The following LRRTM4 variants were observed in gnomAD, a reference collection of about 807,000 sequenced individuals.
LRRTM4 encodes the protein leucine rich repeat transmembrane neuronal 4, also known as leucine-rich repeat transmembrane neuronal protein 4.
A neutral mutation model predicts 47.6 loss-of-function variants in LRRTM4; 25 were observed. The ratio of observed to expected loss-of-function variants is 0.53; its 90% CI spans 0.38 to 0.73. LRRTM4 has a LOEUF of 0.73. Ranked by LOEUF, LRRTM4 falls within the 30% of genes least tolerant of loss-of-function variation. LRRTM4 has a pLI of 0.00. For synonymous variants in LRRTM4, 311 were observed against 269.5 expected (o/e 1.15, Z -1.51); for missense variants, 638 against 713.4 (o/e 0.89, Z 1.20).
intron 3 of LRRTM4, among the ~76,000 whole-genome samples, chr2:76,770,307 C>G (rs1223409247): frequency 1.3e-5 from 2 of 152,154 alleles, no homozygotes; most frequent in Middle Eastern, 3.2e-3. Context: ...CTTCGGTAAA[C>G]TCATTTCTTA....
At chr2:77,298,268 G>A (rs1432567447) in intron 3 of LRRTM4, among the ~76,000 whole-genome samples, 1 of 152,086 alleles carries the variant, frequency 6.6e-6, no homozygotes, top group African/African-American at 2.4e-5. Context: ...ATGAAGTCTC[G>A]CTCTGTCGCC....
intron 3 of LRRTM4, among the ~76,000 whole-genome samples, chr2:77,107,384 T>G (rs1202973068): frequency 2.0e-5 from 3 of 152,230 alleles, no homozygotes; most frequent in African/African-American, 7.2e-5. Flanking sequence ...ATCTTTTATA[T>G]GGTAAAAGAA....
rs28434117 is a variant in LRRTM4 at position 76,917,816 on chromosome 2, G to A, written c.1552-168900C>T. Among the ~76,000 whole-genome samples, 648 of 152,258 alleles carry A rather than the reference G, an allele frequency of 4.3e-3. 1 individual carries two copies. The highest frequency in any genetic ancestry group is 0.015 in the African/African-American group (627 of 41,548). On this transcript the variant is annotated intron_variant, in intron 3 of 3. Transcript: ENST00000409884. ...CTTGTGTCCCTTGTGGGACAGGGTAGAAGTAAGTTATACCTCACTTCTAAT... is the reference window on the plus strand; with the variant it reads ...CTTGTGTCCCTTGTGGGACAGGGTAAAAGTAAGTTATACCTCACTTCTAAT...
chr2:77,115,567 G>T (rs543925653), intron 3 of LRRTM4, among the ~76,000 whole-genome samples: 1 of 151,666 alleles, frequency 6.6e-6, no homozygotes, highest in Admixed American at 6.6e-5. Flanking sequence ...GCCTCCAGCC[G>T]GTCCCTCCGT....
chr2:77,263,485 G>A (rs1170090093), intron 3 of LRRTM4, among the ~76,000 whole-genome samples: 1 of 152,002 alleles, frequency 6.6e-6, no homozygotes, highest in South Asian at 2.1e-4. Context: ...GTGAATCTGA[G>A]TCTTTAAACT....
At chr2:77,002,449 G>A (rs72823186) in intron 3 of LRRTM4, among the ~76,000 whole-genome samples, 14,651 of 152,114 alleles carry the variant, frequency 0.096, 964 homozygotes, top group Non-Finnish European at 0.14. Context: ...TAGTATATGG[G>A]TCTGTTTCCC....
intron 3 of LRRTM4, among the ~76,000 whole-genome samples, chr2:77,281,163 G>A (rs541444959): frequency 8.6e-5 from 13 of 151,952 alleles, no homozygotes; most frequent in South Asian, 4.1e-4. Flanking sequence ...TAAGATTTCC[G>A]AGTGCCCCTC....
chr2:77,426,907 A>G (rs1267221574), intron 3 of LRRTM4, among the ~76,000 whole-genome samples: 1 of 149,710 alleles, frequency 6.7e-6, no homozygotes, highest in Non-Finnish European at 1.5e-5. Context: ...ACAAATGCAT[A>G]TTTTCTTATA....
At chr2:76,784,138 C>T (rs2104172533) in intron 3 of LRRTM4, among the ~76,000 whole-genome samples, 1 of 152,128 alleles carries the variant, frequency 6.6e-6, no homozygotes, top group Non-Finnish European at 1.5e-5. Flanking sequence ...TTTTAATGTT[C>T]AGTGGTGGCT....
At chr2:77,192,277 T>G (rs1673690581) in intron 3 of LRRTM4, among the ~76,000 whole-genome samples, 1 of 152,140 alleles carries the variant, frequency 6.6e-6, no homozygotes, top group Non-Finnish European at 1.5e-5. Flanking sequence ...ATTTTTGCTA[T>G]ACATGCATTT....
Position 77,030,004 on chromosome 2 carries a change from T to A in LRRTM4, c.1552-281088A>T, listed in dbSNP as rs1041158627. Reference sequence around the variant, plus strand: ...TGTAAAAGGTCTAGTAGTCAGCCCATGGAATGTGCAAAACACAATTATGAT... The same window carrying A: ...TGTAAAAGGTCTAGTAGTCAGCCCAAGGAATGTGCAAAACACAATTATGAT... On this transcript the variant is annotated intron_variant, in intron 3 of 3. Coordinates refer to ENST00000409884, the MANE Select transcript of LRRTM4 (RefSeq NM_001134745.3). 2.6e-5 allele frequency among the ~76,000 whole-genome samples: 4 copies of A among 152,310 alleles called. No individual in the cohort carries two copies. In the South Asian group the frequency reaches 8.3e-4, roughly 32 times the overall value.
chr2:77,312,855 T>C (rs1677495860), intron 3 of LRRTM4, among the ~76,000 whole-genome samples: 1 of 152,174 alleles, frequency 6.6e-6, no homozygotes, highest in Admixed American at 6.5e-5. Flanking sequence ...TTTGAGATAT[T>C]GAAGTCACAC....
chr2:76,798,811 T>C (rs1422067121), intron 3 of LRRTM4, among the ~76,000 whole-genome samples: 1 of 152,022 alleles, frequency 6.6e-6, no homozygotes, highest in East Asian at 1.9e-4. Context: ...CATCAGAGAA[T>C]ACTACAAACA....
chr2:77,316,938 T>C (rs1677636031), intron 3 of LRRTM4, among the ~76,000 whole-genome samples: 1 of 152,226 alleles, frequency 6.6e-6, no homozygotes, highest in Admixed American at 6.5e-5. Flanking sequence ...AAGAAATAGT[T>C]GAACATCAGT....
At chr2:77,040,109 G>A (rs917313332) in intron 3 of LRRTM4, among the ~76,000 whole-genome samples, 3 of 151,104 alleles carry the variant, frequency 2.0e-5, no homozygotes, top group Admixed American at 1.3e-4. Flanking sequence ...CCTGATTAAT[G>A]CTACCATGGA....
chr2:76,884,288 T>G (rs1263739679), intron 3 of LRRTM4, among the ~76,000 whole-genome samples: 1 of 152,196 alleles, frequency 6.6e-6, no homozygotes. Context: ...TGAAGTAACT[T>G]GCCCAAGTCA....
chr2:77,133,639 C>G (rs1256065807), intron 3 of LRRTM4, among the ~76,000 whole-genome samples: 1 of 152,074 alleles, frequency 6.6e-6, no homozygotes, highest in Non-Finnish European at 1.5e-5. Flanking sequence ...GTAGTTGTGT[C>G]ATACTAAATT....
chr2:77,360,788 A>G (rs1182301908), intron 3 of LRRTM4, among the ~76,000 whole-genome samples: 2 of 152,152 alleles, frequency 1.3e-5, no homozygotes, highest in Non-Finnish European at 2.9e-5. Flanking sequence ...TTAATTTTTA[A>G]TAGTCACTAT....
At position 77,357,737 on chromosome 2, in the gene LRRTM4, A is replaced by AT. The variant is rs555692104; in HGVS notation, c.1551+160580dup. ...CTTACTTTATTAAATGACTTTATAT[A>AT]TTTTTTAAGAAAAATCTTGTACTTT... On this transcript the variant is annotated intron_variant, in intron 3 of 3. Coordinates refer to ENST00000409884, the MANE Select transcript of LRRTM4 (RefSeq NM_001134745.3). Among the ~76,000 whole-genome samples the AT allele has an allele frequency of 5.5e-4, 84 of 152,310 alleles. 1 individual carries two copies. The South Asian group carries it at 0.017, about 31-fold the overall frequency.
Sources: allele counts gnomAD v4.1 joint callset (sites outside exome capture counted in the v4.1 genomes callset), GRCh38; gene constraint gnomAD v4.1.1; transcripts MANE v1.5; gene names NCBI Gene and HGNC (gene_info 2026-07-23, HGNC 2026-07-21).